The following CRISP1 variants were observed in gnomAD, a reference collection of about 807,000 sequenced individuals.
CRISP1 encodes the protein cysteine-rich secretory protein 1.
A neutral mutation model predicts 33.1 loss-of-function variants in CRISP1; 44 were observed. The ratio of observed to expected loss-of-function variants is 1.33; its 90% confidence interval spans 1.05 to 1.71. CRISP1 has a LOEUF of 1.71. Ranked by LOEUF, CRISP1 falls within the 40% of genes most tolerant of loss-of-function variation. The pLI, the probability that CRISP1 is intolerant of heterozygous loss-of-function variation, is 0.00. For synonymous variants in CRISP1, 103 were observed against 98.7 expected, an observed-to-expected ratio of 1.04 and a Z score of -0.26; for missense variants, 390 against 301.2, an observed-to-expected ratio of 1.29 and a Z score of -2.18.
intron 1 of CRISP1, among the ~76,000 whole-genome samples, chr6:49,865,090 T>C (rs1341471524): frequency 1.3e-5 from 2 of 152,144 alleles, no homozygotes; most frequent in Non-Finnish European, 2.9e-5. Flanking sequence ...TACCAAGTAT[T>C]AAAACTCACT....
chr6:49,855,861 T>C (rs1010396544), intron 2 of CRISP1, among the ~76,000 whole-genome samples: 13 of 152,208 alleles, frequency 8.5e-5, no homozygotes, highest in Non-Finnish European at 1.3e-4. Context: ...CTACTTTTGT[T>C]GGCAAATTGG....
At position 49,834,280 on chromosome 6, in the gene CRISP1, T is replaced by C. The variant is rs1217907887; in HGVS notation, c.*1036A>G. ...TCTTTTTTTTTTTTTTCAAACACTT[T>C]ATTGAAATGAGTAAAGAAATATACA... On this transcript the variant is annotated 3_prime_UTR_variant, in exon 8 of 8. Coordinates refer to ENST00000335847, the MANE Select transcript of CRISP1 (RefSeq NM_001131.3). The C allele has an allele frequency of 6.6e-6, 1 of 151,992 alleles. No homozygotes were observed. Among genetic ancestry groups the C allele is most frequent in the African/African-American group, 2.4e-5 (1 of 41,386 alleles). 9.4% of individuals were successfully genotyped at this position (151,992 alleles called of 1,614,324 possible). A position where few individuals can be genotyped will look rare whatever the true frequency, so the allele number is the denominator to read the frequency against.
At chr6:49,870,402 C>A (rs1178513211), upstream of CRISP1, among the ~76,000 whole-genome samples, 1 of 151,674 alleles carries the variant, frequency 6.6e-6, no homozygotes, top group African/African-American at 2.4e-5. Context: ...TCACTCCTAA[C>A]CTGAATGGGT....
Position 49,834,329 on chromosome 6 carries a change from T to C in CRISP1, c.*987A>G, listed in dbSNP as rs1364601006. ...CAAGTAGGTAGAACTGGGTATAACT[T>C]TGGTATAATGTTAAAATTTGACCAA... On this transcript the variant is annotated 3_prime_UTR_variant, in exon 8 of 8. Transcript: ENST00000335847. 1 of 152,092 alleles carries C rather than the reference T, an allele frequency of 6.6e-6. No homozygotes were observed. The highest frequency in any genetic ancestry group is 1.9e-4 in the East Asian group (1 of 5,192). The allele number at this position is 152,092 out of a possible 1,614,324, so 9.4% of individuals were successfully genotyped here.
chr6:49,838,233 G>A (rs1770865974), intron 7 of CRISP1, among the ~76,000 whole-genome samples: 1 of 152,170 alleles, frequency 6.6e-6, no homozygotes, highest in Admixed American at 6.5e-5. Flanking sequence ...CTCAGACCTA[G>A]ACTTTGTAAT....
intron 1 of CRISP1, among the ~76,000 whole-genome samples, chr6:49,874,305 T>C (rs1361294376): frequency 6.6e-6 from 1 of 152,080 alleles, no homozygotes; most frequent in Non-Finnish European, 1.5e-5. Flanking sequence ...CCTAATGCTA[T>C]AAAACATTTA....
intron 5 of CRISP1, 144 bp downstream of exon 5, chr6:49,846,372 CTTCT>C (rs1437104503): frequency 3.8e-6 from 3 of 796,736 alleles, no homozygotes; most frequent in Non-Finnish European, 5.9e-6. Context: ...AGAACACTTC[CTTCT>C]ATTTCAAATT....
Position 49,846,683 on chromosome 6 carries a change from C to T in CRISP1, c.287-15G>A, listed in dbSNP as rs377458177. 1.3e-4 allele frequency: 206 copies of T among 1,611,462 alleles called. 1 individual carries two copies. In the African/African-American group the frequency reaches 1.3e-3, roughly 10 times the overall value. On this transcript the variant is annotated splice_polypyrimidine_tract_variant and intron_variant, in intron 4 of 7. Transcript: ENST00000335847. The stretch of plus-strand genomic sequence containing the variant: ...ACAAAAGGTATCTGAAATGAGAAAA[C>T]GGGCTGGGTCATACTCTGAACAAAT...
chr6:49,852,617 G>T (rs1176260375), intron 2 of CRISP1, among the ~76,000 whole-genome samples: 1 of 152,140 alleles, frequency 6.6e-6, no homozygotes. Flanking sequence ...GGACAAAGTT[G>T]CAAGTGTTAT....
Position 49,838,541 on chromosome 6 carries a change from G to A in CRISP1, c.534-16C>T. The A allele has an allele frequency of 6.3e-7, 1 of 1,593,122 alleles. No homozygotes were observed. Among genetic ancestry groups the A allele is most frequent in the Non-Finnish European group, 8.6e-7 (1 of 1,164,832 alleles). On this transcript the variant is annotated splice_polypyrimidine_tract_variant and intron_variant, in intron 6 of 7. Coordinates refer to ENST00000335847, the MANE Select transcript of CRISP1 (RefSeq NM_001131.3). ...ATCATTTCCCCTTGAATAAAAAAAAGTGATTTCATAAAACCCATCTTTGAA... is the reference window on the plus strand; with the variant it reads ...ATCATTTCCCCTTGAATAAAAAAAAATGATTTCATAAAACCCATCTTTGAA...
At chr6:49,862,956 A>G (rs1445262930) in intron 1 of CRISP1, among the ~76,000 whole-genome samples, 1 of 152,164 alleles carries the variant, frequency 6.6e-6, no homozygotes. Flanking sequence ...TTTCAGAATG[A>G]GGATTGAATA....
At chr6:49,875,360 C>T (rs1772013727) in intron 1 of CRISP1, among the ~76,000 whole-genome samples, 1 of 151,826 alleles carries the variant, frequency 6.6e-6, no homozygotes, top group South Asian at 2.1e-4. Context: ...AGGACTTCAT[C>T]AAGGAGAACT....
intron 7 of CRISP1, among the ~76,000 whole-genome samples, chr6:49,836,981 AT>A (rs200171097): frequency 1.1e-4 from 16 of 151,170 alleles, no homozygotes; most frequent in East Asian, 3.9e-4. Context: ...CTATCAGTGG[AT>A]TTTTTTTTCT....
intron 2 of CRISP1, among the ~76,000 whole-genome samples, chr6:49,855,860 T>C (rs891575150): frequency 5.9e-5 from 9 of 152,208 alleles, no homozygotes; most frequent in Non-Finnish European, 1.2e-4. Context: ...ACTACTTTTG[T>C]TGGCAAATTG....
At chr6:49,862,459 G>A (rs1771679586) in intron 1 of CRISP1, among the ~76,000 whole-genome samples, 1 of 151,208 alleles carries the variant, frequency 6.6e-6, no homozygotes, top group Non-Finnish European at 1.5e-5. Context: ...AGTTTTTTTT[G>A]TCAAAAGTGT....
upstream of CRISP1, among the ~76,000 whole-genome samples, chr6:49,870,868 G>A (rs1771905717): frequency 6.6e-6 from 1 of 152,086 alleles, no homozygotes; most frequent in Admixed American, 6.6e-5. Flanking sequence ...AGGCCGAGGT[G>A]GGCGGATGAC....
intron 5 of CRISP1, among the ~76,000 whole-genome samples, chr6:49,842,195 T>C (rs1337439844): frequency 2.6e-5 from 4 of 152,196 alleles, no homozygotes; most frequent in African/African-American, 4.8e-5. Context: ...TATCTGGGCA[T>C]AAAAATTTTA....
chr6:49,858,545 GAGA>G (rs1235999877), intron 1 of CRISP1, among the ~76,000 whole-genome samples: 2 of 152,162 alleles, frequency 1.3e-5, no homozygotes, highest in African/African-American at 4.8e-5. Context: ...TGCTCAATAT[GAGA>G]AGAACTCTCT....
intron 5 of CRISP1, among the ~76,000 whole-genome samples, chr6:49,845,764 T>G (rs1397757436): frequency 6.7e-6 from 1 of 148,616 alleles, no homozygotes; most frequent in South Asian, 2.1e-4. Context: ...CAAAAGGTGA[T>G]ATACACATGC....
Sources: allele counts gnomAD v4.1 joint callset (sites outside exome capture counted in the v4.1 genomes callset), GRCh38; gene constraint gnomAD v4.1.1; transcripts MANE v1.5; gene names NCBI Gene and HGNC (gene_info 2026-07-23, HGNC 2026-07-21).